The following CFLAR variants were observed in gnomAD, a reference collection of about 807,000 sequenced individuals.
The protein encoded by CFLAR is CASP8 and FADD-like apoptosis regulator.
CFLAR carries 14 observed loss-of-function variants against 51.1 expected under a neutral mutation model. That is an observed-to-expected ratio of 0.27 (90% CI 0.18 to 0.43). The LOEUF (loss-of-function observed/expected upper bound fraction) is 0.43. Among genes scored for constraint, CFLAR ranks in the 20% least tolerant of loss-of-function variants. The pLI is 1.00. For synonymous variants in CFLAR, 210 were observed against 211.6 expected, an observed-to-expected ratio of 0.99 and a Z score of 0.06; for missense variants, 390 against 566.5, an observed-to-expected ratio of 0.69 and a Z score of 3.16.
intron 1 of CFLAR, among the ~76,000 whole-genome samples, chr2:201,121,575 G>A (rs1021892838): frequency 6.6e-6 from 1 of 152,106 alleles, no homozygotes; most frequent in African/African-American, 2.4e-5. Context: ...GCAAAAAGCA[G>A]GTAGTGCTTT....
At chr2:201,134,354 C>T (rs1432482766) in intron 3 of CFLAR, among the ~76,000 whole-genome samples, 1 of 149,712 alleles carries the variant, frequency 6.7e-6, no homozygotes, top group Non-Finnish European at 1.5e-5. Flanking sequence ...CACAATGGCT[C>T]ATGGGCACAG....
rs536385523 is a variant in CFLAR, at chr2:201,137,750, C to T, written c.523+1643C>T. On this transcript the variant is annotated intron_variant, in intron 4 of 9. Coordinates refer to ENST00000309955, the MANE Select transcript of CFLAR (RefSeq NM_003879.7). The stretch of plus-strand genomic sequence containing the variant: ...AGCCCAAGACATCCTGCGTGATCTT[C>T]GCCTTATCCCCGTCGTTGAAGTATT... The T allele has an allele frequency of 2.2e-5, 19 of 846,032 alleles. 1 individual carries two copies. The highest frequency in any genetic ancestry group is 3.4e-4 in the Middle Eastern group (1 of 2,948). The allele number at this position is 846,032 out of a possible 1,614,324, so 52.4% of individuals were successfully genotyped here.
At chr2:201,125,962 A>T (rs2048654554) in intron 1 of CFLAR, among the ~76,000 whole-genome samples, 1 of 152,142 alleles carries the variant, frequency 6.6e-6, no homozygotes, top group African/African-American at 2.4e-5. Context: ...TAGATGTTGC[A>T]GGGCTGGCAG....
intron 9 of CFLAR, 142 bp downstream of exon 9, chr2:201,161,084 G>A: frequency 1.6e-6 from 1 of 621,316 alleles, no homozygotes; most frequent in Non-Finnish European, 2.8e-6. Flanking sequence ...GCTTGCCCTA[G>A]GACTACAGTA....
intron 8 of CFLAR, chr2:201,154,602 A>G (rs992982535): frequency 6.6e-6 from 1 of 152,272 alleles, no homozygotes; most frequent in African/African-American, 2.4e-5. Context: ...TAGGTGTTCA[A>G]TAAATAATTG....
rs1576041898 is a variant in CFLAR, at chr2:201,174,979, G to A, written c.*11006G>A. On this transcript the variant is annotated 3_prime_UTR_variant, in exon 10 of 10. Transcript: ENST00000309955. ...TATGGTAATTATAATACATTAGCAC[G>A]CTAAAAGAAACTTCTACAGCACCAT... is the stretch of plus-strand genomic sequence containing the variant. The A allele has an allele frequency of 1.3e-5, 2 of 152,112 alleles. No homozygotes were observed. Among genetic ancestry groups the A allele is most frequent in the African/African-American group, 4.8e-5 (2 of 41,428 alleles). The allele number at this position is 152,112 out of a possible 1,614,324, so 9.4% of individuals were successfully genotyped here. A position where few individuals can be genotyped will look rare whatever the true frequency, so the allele number is the denominator to read the frequency against.
intron 4 of CFLAR, chr2:201,140,011 G>C (rs1022225394): frequency 7.5e-5 from 23 of 308,118 alleles, no homozygotes; most frequent in African/African-American, 5.3e-4. Flanking sequence ...TGCTGCTGCT[G>C]ATAGGTAGTC....
chr2:201,149,009 C>G lies in CFLAR; in HGVS notation c.668C>G (p.Pro223Arg). 1 of 1,611,862 alleles carries G rather than the reference C, an allele frequency of 6.2e-7. No homozygotes were observed. The change falls in exon 7 of 10, where the codon CCA becomes CGA. Residue 223 changes from proline to arginine, a missense_variant. Pro to Arg is a moderately radical substitution (Grantham distance 103). Transcript: ENST00000309955. ...TCTCTCTCTCATCCCCCAGAAGAAC[C>G]AGTGAAGAAATCCATTCAGGAATCA... ...LKEQLGAQQE[P>R]VKKSIQESEA...
At chr2:201,150,535 A>G (rs1248293532) in intron 8 of CFLAR, 2 of 152,224 alleles carry the variant, frequency 1.3e-5, no homozygotes, top group Non-Finnish European at 1.5e-5. Context: ...TTACAACACA[A>G]TAGAGACTTG....
intron 4 of CFLAR, chr2:201,139,467 G>A (rs10184098): frequency 6.5e-6 from 1 of 153,856 alleles, no homozygotes; most frequent in South Asian, 2.0e-4. Context: ...AGGAACGCCT[G>A]TTTGCAGTTG....
Position 201,169,838 on chromosome 2 carries a change from C to G in CFLAR, c.*5865C>G, listed in dbSNP as rs930577143. On this transcript the variant is annotated 3_prime_UTR_variant, in exon 10 of 10. Transcript: ENST00000309955. ...CAAAAGAAGACATTTATGTGGCCAA[C>G]AAACATATAAAAAAAAGCTCAACCT... The G allele has an allele frequency of 6.6e-6, 1 of 151,990 alleles. No individual in the cohort carries two copies. Among genetic ancestry groups the G allele is most frequent in the Admixed American group, 6.6e-5 (1 of 15,256 alleles). The allele number at this position is 151,990 out of a possible 1,614,324, so 9.4% of individuals were successfully genotyped here. A position where few individuals can be genotyped will look rare whatever the true frequency, so the allele number is the denominator to read the frequency against.
chr2:201,156,068 C>G (rs113076787), intron 8 of CFLAR, among the ~76,000 whole-genome samples: 1 of 152,234 alleles, frequency 6.6e-6, no homozygotes, highest in Admixed American at 6.5e-5. Flanking sequence ...TTGTTTTATG[C>G]GTATTTATAA....
chr2:201,135,963 T>A lies in CFLAR; in HGVS notation c.388-9T>A. The A allele has an allele frequency of 2.5e-6, 4 of 1,603,850 alleles. No homozygotes were observed. The highest frequency in any genetic ancestry group is 3.4e-6 in the Non-Finnish European group (4 of 1,176,718). On this transcript the variant is annotated splice_polypyrimidine_tract_variant and intron_variant, in intron 3 of 9. Coordinates refer to ENST00000309955, the MANE Select transcript of CFLAR (RefSeq NM_003879.7). ...ATTGACATTTGTTTTTTGTTGGTGG[T>A]TCTCTTAGAGTTTCTTGGACCTTGT...
chr2:201,145,537 A>G (rs1939956520), intron 6 of CFLAR, 105 bp downstream of exon 6: 2 of 754,828 alleles, frequency 2.6e-6, no homozygotes, highest in Non-Finnish European at 4.6e-6. Flanking sequence ...ACATAATCTA[A>G]GTAAGCTCTC....
Position 201,160,408 on chromosome 2 carries a change from GTGTTTGTTTTTTGTTTTCC to G in CFLAR, c.794-23_794-5del, listed in dbSNP as rs2125926928. 1 of 1,602,686 alleles carries G rather than the reference GTGTTTGTTTTTTGTTTTCC, an allele frequency of 6.2e-7. No homozygotes were observed. Among genetic ancestry groups the G allele is most frequent in the African/African-American group, 1.3e-5 (1 of 74,654 alleles). ...TCTCCTCACTCCAGTGTTGTTTTCC[GTGTTTGTTTTTTGTTTTCC>G]CCAGAGCTTCTTCGAGACACCTTCA... On this transcript the variant is annotated splice_region_variant and splice_polypyrimidine_tract_variant and intron_variant, in intron 8 of 9. Coordinates refer to ENST00000309955, the MANE Select transcript of CFLAR (RefSeq NM_003879.7).
chr2:201,119,631 G>A (rs1291762408), intron 1 of CFLAR, among the ~76,000 whole-genome samples: 1 of 151,958 alleles, frequency 6.6e-6, no homozygotes, highest in Non-Finnish European at 1.5e-5. Flanking sequence ...ACCCCACCCT[G>A]GTGCCCTTTC....
intron 8 of CFLAR, 189 bp downstream of exon 8, chr2:201,150,024 T>C: frequency 2.3e-6 from 1 of 438,694 alleles, no homozygotes; most frequent in Non-Finnish European, 4.1e-6. Context: ...GGAGGATCAC[T>C]TGAGCCCAGT....
intron 8 of CFLAR, among the ~76,000 whole-genome samples, chr2:201,156,237 T>C (rs1178521679): frequency 2.6e-5 from 4 of 152,168 alleles, no homozygotes; most frequent in African/African-American, 9.7e-5. Context: ...CCTAATCTCT[T>C]CCCCCTCAGA....
rs769683810 is a variant in CFLAR, at chr2:201,129,953, A to G, written c.88A>G (p.Ile30Val). The change falls in exon 2 of 10, where the codon ATA (isoleucine) becomes GTA (valine). Residue 30 changes from isoleucine (I) to valine (V), a missense_variant. This residue lies in a region of CFLAR where 103 missense variants were observed against 202.9 expected (regional missense o/e 0.51). Coordinates refer to ENST00000309955, the MANE Select transcript of CFLAR (RefSeq NM_003879.7). ...MLLFLCRDVA[I>V]DVVPPNVRDL... is the part of the protein sequence containing the mutation. ...GCTCTTTTTGTGCCGGGATGTTGCT[A>G]TAGATGTGGTTCCACCTAATGTCAG... is the stretch of plus-strand genomic sequence containing the variant. 3.1e-6 allele frequency: 5 copies of G among 1,614,202 alleles called. No homozygotes were observed. The highest frequency in any genetic ancestry group is 2.2e-5 in the East Asian group (1 of 44,884).
Sources: gnomAD v4.1 joint callset for allele counts (sites outside exome capture counted in the v4.1 genomes callset) on GRCh38, gnomAD v4.1.1 for gene constraint, gnomAD v4.1.1 regional missense constraint, MANE v1.5 for transcripts, NCBI Gene and HGNC (gene_info 2026-07-23, HGNC 2026-07-21) for gene names.